ANKRD30A: variants seen among roughly 807,000 people sequenced by gnomAD.
ANKRD30A encodes the protein ankyrin repeat domain-containing protein 30A.
Under a neutral mutation model 166.3 loss-of-function variants are expected in ANKRD30A, and 170 were observed. That is an observed-to-expected ratio of 1.02 (90% confidence interval 0.90 to 1.16). The LOEUF (loss-of-function observed/expected upper bound fraction) is 1.16, where lower values mean the gene tolerates loss of function less well. ANKRD30A is among the 50% of genes most tolerant of loss of function. The pLI is 0.00. For synonymous variants in ANKRD30A, 564 were observed against 508.9 expected, an observed-to-expected ratio of 1.11 and a Z score of -1.46; for missense variants, 1,630 against 1,518.0, an observed-to-expected ratio of 1.07 and a Z score of -1.23.
intron 30 of ANKRD30A, among the ~76,000 whole-genome samples, chr10:37,200,474 G>T (rs1841530215): frequency 6.6e-6 from 1 of 152,066 alleles, no homozygotes; most frequent in African/African-American, 2.4e-5. Context: ...ACGGCGGAAA[G>T]ACATAGAAAG....
intron 25 of ANKRD30A, among the ~76,000 whole-genome samples, chr10:37,190,530 C>A (rs772880629): frequency 1.3e-5 from 2 of 151,772 alleles, no homozygotes; most frequent in African/African-American, 4.9e-5. Context: ...ATAATGTTAA[C>A]AGGTGTCGAA....
At chr10:37,241,563 GC>G in the ANKRD30A span, among the ~76,000 whole-genome samples, 1 of 151,820 alleles carries the variant, frequency 6.6e-6, no homozygotes, top group African/African-American at 2.4e-5. Context: ...ATTTAAACAA[GC>G]AAAACTACCA....
chr10:37,242,445 G>A, the ANKRD30A span, among the ~76,000 whole-genome samples: 1 of 151,952 alleles, frequency 6.6e-6, no homozygotes, highest in Non-Finnish European at 1.5e-5. Flanking sequence ...TATTTTGTAG[G>A]GAGTTCATTT....
intron 31 of ANKRD30A, 44 bp from the exon 32 acceptor site, chr10:37,216,137 C>G: frequency 7.1e-7 from 1 of 1,403,436 alleles, no homozygotes. Context: ...CTTTATATCC[C>G]AAAAGTACTA....
At chr10:37,234,367 G>A (rs1192972828), downstream of ANKRD30A, among the ~76,000 whole-genome samples, 1 of 152,010 alleles carries the variant, frequency 6.6e-6, no homozygotes, top group African/African-American at 2.4e-5. Flanking sequence ...TCAGTCATTG[G>A]ATCCTTTTGC....
chr10:37,133,003 GAA>G (rs369817643), intron 4 of ANKRD30A, among the ~76,000 whole-genome samples: 1 of 138,698 alleles, frequency 7.2e-6, no homozygotes, highest in Admixed American at 7.2e-5. Flanking sequence ...CTGTCTCAAA[GAA>G]AAAAAAAAAG....
intron 34 of ANKRD30A, among the ~76,000 whole-genome samples, chr10:37,230,331 T>C (rs1345814470): frequency 6.6e-6 from 1 of 152,056 alleles, no homozygotes; most frequent in African/African-American, 2.4e-5. Flanking sequence ...CAGTGGGAAG[T>C]GGAAGTTAAC....
At chr10:37,142,315 A>G in intron 7 of ANKRD30A, 25 bp downstream of exon 7, 1 of 1,557,704 alleles carries the variant, frequency 6.4e-7, no homozygotes, top group Non-Finnish European at 8.6e-7. Flanking sequence ...CGAACTTTGT[A>G]AGGTTTATTG....
intron 31 of ANKRD30A, among the ~76,000 whole-genome samples, chr10:37,211,520 AT>A (rs1401147947): frequency 6.6e-6 from 1 of 152,014 alleles, no homozygotes; most frequent in Non-Finnish European, 1.5e-5. Flanking sequence ...CATTTTCTTA[AT>A]CCAGTCTATC....
intron 34 of ANKRD30A, among the ~76,000 whole-genome samples, chr10:37,224,835 T>A (rs1037751154): frequency 6.6e-6 from 1 of 151,590 alleles, no homozygotes; most frequent in African/African-American, 2.4e-5. Context: ...CTGTTTCCTT[T>A]TCCCTCCTCA....
At chr10:37,139,194 A>G (rs562087410) in intron 6 of ANKRD30A, among the ~76,000 whole-genome samples, 1 of 152,360 alleles carries the variant, frequency 6.6e-6, no homozygotes, top group Non-Finnish European at 1.5e-5. Flanking sequence ...TTTGTCAACA[A>G]CATTTGAATA....
At chr10:37,239,965 C>A in the ANKRD30A span, among the ~76,000 whole-genome samples, 1 of 151,962 alleles carries the variant, frequency 6.6e-6, no homozygotes, top group South Asian at 2.1e-4. Context: ...CAGAAAATAC[C>A]ACTAGAACAG....
downstream of ANKRD30A, among the ~76,000 whole-genome samples, chr10:37,234,597 A>T (rs1363840448): frequency 3.9e-5 from 6 of 152,042 alleles, no homozygotes; most frequent in African/African-American, 1.4e-4. Flanking sequence ...TCCCTCCAAA[A>T]ATTGTATTAT....
Position 37,162,816 on chromosome 10 carries a change from T to C in ANKRD30A, c.1970T>C (p.Leu657Ser), listed in dbSNP as rs201885728. 2 of 1,613,710 alleles carry C rather than the reference T, an allele frequency of 1.2e-6. No homozygotes were observed. The highest frequency in any genetic ancestry group is 3.3e-5 in the Admixed American group (2 of 59,990). ...EMQKSVPNKA[L>S]ELKNEQTLRA... Reference sequence around the variant, plus strand: ...CAAAAGTCTGTCCCAAATAAAGCCTTGGAATTGAAAAATGAACAAACATTG... The same window carrying C: ...CAAAAGTCTGTCCCAAATAAAGCCTCGGAATTGAAAAATGAACAAACATTG... Residue 657 changes from leucine to serine, a missense_variant, in exon 17 of 36, where the codon TTG becomes TCG. Physicochemically the swap from Leu to Ser is moderately radical, Grantham distance 145. Coordinates refer to ENST00000361713, the MANE Select transcript of ANKRD30A (RefSeq NM_052997.3).
intron 31 of ANKRD30A, among the ~76,000 whole-genome samples, chr10:37,210,205 A>G (rs1308358335): frequency 6.6e-6 from 1 of 152,142 alleles, no homozygotes; most frequent in Non-Finnish European, 1.5e-5. Flanking sequence ...GAGTGAGAAC[A>G]TGCAGTGTTT....
the ANKRD30A span, among the ~76,000 whole-genome samples, chr10:37,242,355 A>G: frequency 6.6e-6 from 1 of 152,168 alleles, no homozygotes; most frequent in African/African-American, 2.4e-5. Flanking sequence ...GTTACTGGTG[A>G]TGCTAGATTT....
the ANKRD30A span, among the ~76,000 whole-genome samples, chr10:37,253,796 C>T: frequency 4.6e-5 from 7 of 151,908 alleles, no homozygotes; most frequent in African/African-American, 1.7e-4. Context: ...CACAGGTGCC[C>T]GCCACCATGC....
At chr10:37,159,628 T>G (rs932919393) in intron 15 of ANKRD30A, among the ~76,000 whole-genome samples, 1 of 152,166 alleles carries the variant, frequency 6.6e-6, no homozygotes, top group African/African-American at 2.4e-5. Context: ...TCATGTCTTA[T>G]AGGCTATATG....
At chr10:37,254,687 T>C in the ANKRD30A span, among the ~76,000 whole-genome samples, 4 of 144,850 alleles carry the variant, frequency 2.8e-5, no homozygotes, top group Non-Finnish European at 4.6e-5. Context: ...TCTTTTCTTT[T>C]TTTTTTTTTT....
Sources: allele counts gnomAD v4.1 joint callset (sites outside exome capture counted in the v4.1 genomes callset), GRCh38; gene constraint gnomAD v4.1.1; transcripts MANE v1.5; gene names NCBI Gene and HGNC (gene_info 2026-07-23, HGNC 2026-07-21).